WWOX: variants seen among roughly 807,000 people sequenced by gnomAD.
WWOX encodes the protein WW domain-containing oxidoreductase.
In WWOX, 69 loss-of-function variants were observed where a neutral mutation model predicts 46.2. That is an observed-to-expected ratio of 1.49 (90% CI 1.23 to 1.82). The LOEUF (loss-of-function observed/expected upper bound fraction) is 1.82, where lower values mean the gene tolerates loss of function less well. Among genes scored for constraint, WWOX ranks in the 40% most tolerant of loss-of-function variants. The probability of loss-of-function intolerance (pLI) is 0.00; values close to 1 mark genes in which losing one functional copy is unlikely to be tolerated. For missense variants in WWOX, 919 were observed against 542.6 expected (o/e 1.69, Z -6.89); for synonymous variants, 359 against 202.6 (o/e 1.77, Z -6.56).
chr16:78,751,341 C>T (rs1597546702), intron 8 of WWOX, among the ~76,000 whole-genome samples: 1 of 149,462 alleles, frequency 6.7e-6, no homozygotes, highest in African/African-American at 2.4e-5. Context: ...AAAGAGTTTT[C>T]AACCAAAAAA....
intron 5 of WWOX, among the ~76,000 whole-genome samples, chr16:78,385,134 A>AACACACACAGAC (rs1555530197): frequency 1.4e-5 from 2 of 143,050 alleles, no homozygotes; most frequent in Non-Finnish European, 3.0e-5. Flanking sequence ...ACTCCATCTA[A>AACACACACAGAC]ACACACACAC....
chr16:78,473,228 C>A (rs141379252), intron 8 of WWOX, among the ~76,000 whole-genome samples: 269 of 152,258 alleles, frequency 1.8e-3, no homozygotes, highest in Middle Eastern at 6.8e-3. Context: ...CTCCCACGTT[C>A]AAGCGATTGT....
rs1256002824 is a variant in WWOX at position 78,585,698 on chromosome 16, T to G, written c.1056+152946T>G. On this transcript the variant is annotated intron_variant, in intron 8 of 8. Coordinates refer to ENST00000566780, the MANE Select transcript of WWOX (RefSeq NM_016373.4). ...GGGTTTTTTTTTTTGTTTTTTTTTG[T>G]TTTTTTTGTTTTTTTGCCTAATTTG... 3.4e-5 allele frequency among the ~76,000 whole-genome samples: 5 copies of G among 148,318 alleles called. No homozygotes were observed. In the East Asian group the frequency reaches 5.9e-4, roughly 18 times the overall value.
chr16:78,843,362 A>T lies in WWOX; in HGVS notation c.1057-368246A>T, dbSNP rs1187933063. ...GTGCCATGTCCAACCCAATCTGGAA[A>T]ACGATTATTGTGGTGCCTGTTTTGT... On this transcript the variant is annotated intron_variant, in intron 8 of 8. Transcript: ENST00000566780. 1.3e-5 allele frequency among the ~76,000 whole-genome samples: 2 copies of T among 150,132 alleles called. 1 individual carries two copies.
intron 8 of WWOX, among the ~76,000 whole-genome samples, chr16:78,476,645 A>G (rs1011491142): frequency 6.6e-6 from 1 of 151,968 alleles, no homozygotes; most frequent in Non-Finnish European, 1.5e-5. Context: ...TGGAGCATCG[A>G]CTTTCGTTTT....
intron 6 of WWOX, among the ~76,000 whole-genome samples, chr16:78,413,491 G>A (rs1238157191): frequency 4.6e-5 from 7 of 152,108 alleles, no homozygotes; most frequent in African/African-American, 1.4e-4. Flanking sequence ...TCAAGGGTGG[G>A]GAGAATTACA....
In WWOX at chr16:78,761,450, C is replaced by G. The variant is rs138009623; in HGVS notation, c.1056+328698C>G. ...CTCGGTTCCCAGACCATCAAACTCA[C>G]CATTGTCACCGGGGAGAAATTTGTG... On this transcript the variant is annotated intron_variant, in intron 8 of 8. Coordinates refer to ENST00000566780, the MANE Select transcript of WWOX (RefSeq NM_016373.4). 2.6e-4 allele frequency among the ~76,000 whole-genome samples: 40 copies of G among 152,262 alleles called. No individual in the cohort carries two copies. In the East Asian group the frequency reaches 7.1e-3, roughly 27 times the overall value.
chr16:78,743,048 C>T (rs1318371186), intron 8 of WWOX, among the ~76,000 whole-genome samples: 1 of 152,066 alleles, frequency 6.6e-6, no homozygotes, highest in African/African-American at 2.4e-5. Context: ...TAGGTGTCTG[C>T]CGTGCTCATG....
chr16:79,195,632 G>T (rs1212204980), intron 8 of WWOX, among the ~76,000 whole-genome samples: 1 of 152,252 alleles, frequency 6.6e-6, no homozygotes, highest in Non-Finnish European at 1.5e-5. Flanking sequence ...GAGGTGCAGG[G>T]ATGGGGGAAA....
chr16:78,349,501 C>G (rs1191502783), intron 5 of WWOX, among the ~76,000 whole-genome samples: 2 of 120,612 alleles, frequency 1.7e-5, no homozygotes, highest in African/African-American at 5.6e-5. Flanking sequence ...TTGCCCCACC[C>G]TTTAGAAGAA....
At chr16:78,547,683 C>T (rs1428022460) in intron 8 of WWOX, among the ~76,000 whole-genome samples, 1 of 152,112 alleles carries the variant, frequency 6.6e-6, no homozygotes, top group African/African-American at 2.4e-5. Flanking sequence ...GGCAACGGCC[C>T]ACTTTCTGGT....
At position 79,131,779 on chromosome 16, in the gene WWOX, T is replaced by A. The variant is rs184824014; in HGVS notation, c.1057-79829T>A. ...ATTTTCACACTGCTTGATAAAAACA[T>A]ACCCTAGCCTGGGAAGAAAAATCGG... On this transcript the variant is annotated intron_variant, in intron 8 of 8. Coordinates refer to ENST00000566780, the MANE Select transcript of WWOX (RefSeq NM_016373.4). Among the ~76,000 whole-genome samples, 23 of 152,258 alleles carry A rather than the reference T, an allele frequency of 1.5e-4. No individual in the cohort carries two copies. The East Asian group carries it at 4.4e-3, about 29-fold the overall frequency.
At chr16:78,489,694 T>G (rs914788392) in intron 8 of WWOX, among the ~76,000 whole-genome samples, 1 of 152,170 alleles carries the variant, frequency 6.6e-6, no homozygotes, top group Non-Finnish European at 1.5e-5. Context: ...GTGGGGCGCC[T>G]GAGCTGGGCC....
At chr16:79,159,496 A>G (rs1429296728) in intron 8 of WWOX, among the ~76,000 whole-genome samples, 2 of 152,268 alleles carry the variant, frequency 1.3e-5, no homozygotes, top group East Asian at 1.9e-4. Context: ...GACGGTTGTT[A>G]TACCACTGAT....
At chr16:78,913,000 C>T (rs929931013) in intron 8 of WWOX, among the ~76,000 whole-genome samples, 3 of 152,012 alleles carry the variant, frequency 2.0e-5, no homozygotes, top group Admixed American at 1.3e-4. Flanking sequence ...GATGATTAGC[C>T]TTCCATCTCT....
intron 8 of WWOX, among the ~76,000 whole-genome samples, chr16:78,918,787 C>G (rs1284388464): frequency 6.6e-6 from 1 of 152,164 alleles, no homozygotes; most frequent in Non-Finnish European, 1.5e-5. Context: ...AGTTACTTGT[C>G]TAAGCTCTAT....
chr16:78,654,913 G>A (rs562784413), intron 8 of WWOX, among the ~76,000 whole-genome samples: 3 of 152,134 alleles, frequency 2.0e-5, no homozygotes, highest in Admixed American at 6.5e-5. Flanking sequence ...GTGTGTGCAT[G>A]AGTATCTTGA....
chr16:78,622,019 G>A (rs2738567), intron 8 of WWOX, among the ~76,000 whole-genome samples: 2 of 152,138 alleles, frequency 1.3e-5, no homozygotes, highest in Non-Finnish European at 2.9e-5. Flanking sequence ...GCTAGTTGAA[G>A]GAAAGTTTTG....
chr16:78,763,954 C>G (rs114810752), intron 8 of WWOX, among the ~76,000 whole-genome samples: 1 of 152,300 alleles, frequency 6.6e-6, no homozygotes, highest in African/African-American at 2.4e-5. Context: ...AGAAGCCCCA[C>G]TCTCCCTCTG....
Sources: gnomAD v4.1 joint callset for allele counts (sites outside exome capture counted in the v4.1 genomes callset) on GRCh38, gnomAD v4.1.1 for gene constraint, MANE v1.5 for transcripts, NCBI Gene and HGNC (gene_info 2026-07-23, HGNC 2026-07-21) for gene names.